Variants in HMCN2 observed in about 807,000 individuals in gnomAD.
HMCN2 encodes the protein hemicentin-2.
HMCN2 carries 325 observed loss-of-function variants against 377.5 expected under a neutral mutation model. The observed-to-expected ratio is 0.86, with a 90% CI of 0.79 to 0.94. The LOEUF (loss-of-function observed/expected upper bound fraction) is 0.94. Ranked by LOEUF, HMCN2 falls within the 40% of genes least tolerant of loss-of-function variation. The probability of loss-of-function intolerance (pLI) is 0.00; values close to 1 mark genes in which losing one functional copy is unlikely to be tolerated. For synonymous variants in HMCN2, 2,007 were observed against 2,046.8 expected (o/e 0.98, Z 0.53); for missense variants, 4,543 against 4,725.3 (o/e 0.96, Z 1.13).
chr9:130,271,193 C>T (rs1477795126), intron 1 of HMCN2, among the ~76,000 whole-genome samples: 10 of 148,730 alleles, frequency 6.7e-5, no homozygotes, highest in African/African-American at 1.5e-4. Context: ...TTGCCTGACT[C>T]GGATAGTATT....
intron 1 of HMCN2, among the ~76,000 whole-genome samples, chr9:130,281,722 C>T (rs976668170): frequency 4.6e-5 from 7 of 151,924 alleles, no homozygotes; most frequent in Non-Finnish European, 7.4e-5. Context: ...GGCAAAACCC[C>T]GTCTCTACTA....
intron 22 of HMCN2, among the ~76,000 whole-genome samples, chr9:130,329,496 G>T (rs893403691): frequency 1.3e-3 from 190 of 145,566 alleles, no homozygotes; most frequent in Non-Finnish European, 2.1e-3. Context: ...AGGCTGGAGT[G>T]CAGTGGTGCA....
At chr9:130,305,115 C>A (rs1836782702) in intron 11 of HMCN2, 113 bp downstream of exon 11, 1 of 379,628 alleles carries the variant, frequency 2.6e-6, no homozygotes, top group African/African-American at 2.1e-5. Flanking sequence ...CAGGCAATAG[C>A]AGCCTTTTCA....
intron 49 of HMCN2, among the ~76,000 whole-genome samples, 181 bp from the exon 50 acceptor site, chr9:130,375,382 C>A (rs1043464511): frequency 6.6e-6 from 1 of 152,170 alleles, no homozygotes; most frequent in African/African-American, 2.4e-5. Flanking sequence ...TCTGGGTCAC[C>A]CAGGCCTGAG....
chr9:130,428,338 CTGCCCTGATCTGCCCCCAGATGTGGACGA>C lies in HMCN2; in HGVS notation c.14066-19_14075del. ...CTGGGGATCATGTTCACACAGCCGT[CTGCCCTGATCTGCCCCCAGATGTGGACGA>C]GTGTGCGTGGGATGCTCACCTCTGC... On this transcript the variant is annotated splice_acceptor_variant and splice_polypyrimidine_tract_variant and coding_sequence_variant and intron_variant, in exon 93 of 98. Transcript: ENST00000683500. LOFTEE classifies it high-confidence loss of function. This position sits in a 1 kb window ranked among gnomAD's most constrained non-coding sequence, Gnocchi z 5.0. 2 of 1,532,506 alleles carry C rather than the reference CTGCCCTGATCTGCCCCCAGATGTGGACGA, an allele frequency of 1.3e-6. No individual in the cohort carries two copies. Among genetic ancestry groups the C allele is most frequent in the Non-Finnish European group, 1.8e-6 (2 of 1,137,186 alleles). The allele number at this position is 1,532,506 out of a possible 1,614,324, so 94.9% of individuals were successfully genotyped here.
At chr9:130,407,156 A>G (rs12378916) in intron 82 of HMCN2, 6,539 of 161,412 alleles carry the variant, frequency 0.041, 182 homozygotes, top group Non-Finnish European at 0.056. Flanking sequence ...AGGCTAAGGT[A>G]GGAGAATCGG....
intron 15 of HMCN2, among the ~76,000 whole-genome samples, chr9:130,314,446 G>A (rs1837433001): frequency 6.6e-6 from 1 of 152,256 alleles, no homozygotes. Context: ...CTTTGTGCCA[G>A]TGCAGTTATG....
rs1483492033 is a variant in HMCN2, at chr9:130,391,006, C to CG, written c.9560dup (p.Arg3188ProfsTer20). On this transcript the variant is annotated frameshift_variant, in exon 63 of 98. Coordinates refer to ENST00000683500, the MANE Select transcript of HMCN2 (RefSeq NM_001291815.2). LOFTEE classifies it high-confidence loss of function. ...CAGCGCGGTGCACGGTGTGGTCTCC[C>CG]GGGGGGGCCGCCTCCAGCTGAGCCG... 5 of 986,994 alleles carry CG rather than the reference C, an allele frequency of 5.1e-6. No individual in the cohort carries two copies. Among genetic ancestry groups the CG allele is most frequent in the Admixed American group, 6.2e-5 (1 of 16,252 alleles). 61.1% of individuals were successfully genotyped at this position (986,994 alleles called of 1,614,324 possible).
intron 85 of HMCN2, among the ~76,000 whole-genome samples, chr9:130,417,157 C>T (rs1843737872): frequency 6.6e-6 from 1 of 151,812 alleles, no homozygotes. Flanking sequence ...AAGCAATCCA[C>T]CCACCTCAGC....
chr9:130,273,032 T>G (rs1834485862), intron 1 of HMCN2, among the ~76,000 whole-genome samples: 1 of 152,244 alleles, frequency 6.6e-6, no homozygotes, highest in East Asian at 1.9e-4. Context: ...CAAAAAACTC[T>G]ATTGTTCTCA....
chr9:130,422,460 AGG>A lies in HMCN2; in HGVS notation c.13232-116_13232-115del, dbSNP rs1844074221. 2.7e-5 allele frequency: 19 copies of A among 703,180 alleles called. No individual in the cohort carries two copies. Among genetic ancestry groups the A allele is most frequent in the Non-Finnish European group, 3.4e-5 (17 of 499,746 alleles). The allele number at this position is 703,180 out of a possible 1,614,324, so 43.6% of individuals were successfully genotyped here. A position where few individuals can be genotyped will look rare whatever the true frequency, so the allele number is the denominator to read the frequency against. ...TAGCTGTGTGTCCTTGGACAAGTGG[AGG>A]TGAACTCTCCGAGCCTCCATTTACT... On this transcript the variant is annotated intron_variant, in intron 86 of 97. Transcript: ENST00000683500. This position sits in a 1 kb window ranked among gnomAD's most constrained non-coding sequence, Gnocchi z 4.2.
At position 130,391,332 on chromosome 9, in the gene HMCN2, C is replaced by T; in HGVS notation, c.9796C>T (p.Pro3266Ser). ...PDVAWLKDGS[P>S]LGQDMGPHLR... ...CGTGGCCTGGCTGAAGGACGGCAGC[C>T]CGCTGGGCCAGGACATGGGCCCCCA... The change falls in exon 64 of 98, where the codon CCG becomes TCG. Residue 3266 changes from proline (P) to serine (S), a missense_variant. By Grantham distance (74) the Pro-to-Ser change is moderately conservative. Transcript: ENST00000683500. 1 of 987,698 alleles carries T rather than the reference C, an allele frequency of 1.0e-6. No individual in the cohort carries two copies. The highest frequency in any genetic ancestry group is 1.2e-6 in the Non-Finnish European group (1 of 830,154). 61.2% of individuals were successfully genotyped at this position (987,698 alleles called of 1,614,324 possible).
chr9:130,397,250 G>A (rs150509418), intron 73 of HMCN2, among the ~76,000 whole-genome samples: 384 of 152,286 alleles, frequency 2.5e-3, no homozygotes, highest in African/African-American at 8.9e-3. Context: ...AGAAACTTAC[G>A]TTTTTAAAAC....
chr9:130,407,560 C>T lies in HMCN2; in HGVS notation c.12554-11C>T, dbSNP rs1350673153. On this transcript the variant is annotated splice_polypyrimidine_tract_variant and intron_variant, in intron 82 of 97. Coordinates refer to ENST00000683500, the MANE Select transcript of HMCN2 (RefSeq NM_001291815.2). ...AGTTCCCTGCACCCGACTTCTCTTT[C>T]TCCACCACAGAAGGGGTGTCTGAGC... is the stretch of plus-strand genomic sequence containing the variant. 1 of 1,289,192 alleles carries T rather than the reference C, an allele frequency of 7.8e-7. No individual in the cohort carries two copies. Among genetic ancestry groups the T allele is most frequent in the Admixed American group, 2.3e-5 (1 of 43,502 alleles). The allele number at this position is 1,289,192 out of a possible 1,614,324, so 79.9% of individuals were successfully genotyped here. A position where few individuals can be genotyped will look rare whatever the true frequency, so the allele number is the denominator to read the frequency against.
intron 46 of HMCN2, among the ~76,000 whole-genome samples, chr9:130,371,931 G>A (rs1010235400): frequency 1.3e-5 from 2 of 152,230 alleles, no homozygotes; most frequent in Admixed American, 1.3e-4. Flanking sequence ...CTTGGGAGGA[G>A]AAGCCCTTTT....
At chr9:130,284,258 C>T (rs1364101269) in intron 1 of HMCN2, among the ~76,000 whole-genome samples, 2 of 152,176 alleles carry the variant, frequency 1.3e-5, no homozygotes, top group Non-Finnish European at 2.9e-5. Context: ...TCTCCACTGA[C>T]TGGCAGCCGG....
chr9:130,284,238 C>T (rs1389884569), intron 1 of HMCN2, among the ~76,000 whole-genome samples: 1 of 152,160 alleles, frequency 6.6e-6, no homozygotes, highest in Non-Finnish European at 1.5e-5. Flanking sequence ...TTTGTCTTCC[C>T]AGAATTCCTT....
intron 1 of HMCN2, among the ~76,000 whole-genome samples, chr9:130,279,311 T>G (rs1834982189): frequency 6.6e-6 from 1 of 152,126 alleles, no homozygotes; most frequent in African/African-American, 2.4e-5. Flanking sequence ...TTTCCACATC[T>G]TTAGAAAGGT....
At chr9:130,268,245 C>T (rs1360487450) in intron 1 of HMCN2, among the ~76,000 whole-genome samples, 2 of 152,196 alleles carry the variant, frequency 1.3e-5, no homozygotes, top group Non-Finnish European at 2.9e-5. Flanking sequence ...TCTTCCCTCT[C>T]CTCTCTGGGC....
Sources: gnomAD v4.1 joint callset for allele counts (sites outside exome capture counted in the v4.1 genomes callset) on GRCh38, gnomAD v4.1.1 for gene constraint, Gnocchi (gnomAD v3.1) non-coding constraint, MANE v1.5 for transcripts, NCBI Gene and HGNC (gene_info 2026-07-23, HGNC 2026-07-21) for gene names.